The following CUX2 variants were observed in gnomAD, a reference collection of about 807,000 sequenced individuals.
CUX2 encodes homeobox protein cut-like 2.
A neutral mutation model predicts 144.8 loss-of-function variants in CUX2; 40 were observed. The ratio of observed to expected loss-of-function variants is 0.28; its 90% CI spans 0.21 to 0.36. The LOEUF is 0.36. CUX2 is among the 10% of genes least tolerant of loss of function. The probability of loss-of-function intolerance (pLI) is 1.00; values close to 1 mark genes in which losing one functional copy is unlikely to be tolerated. For synonymous variants in CUX2, 827 were observed against 875.6 expected (o/e 0.94, Z 0.98); for missense variants, 1,615 against 1,994.0 (o/e 0.81, Z 3.62).
intron 1 of CUX2, among the ~76,000 whole-genome samples, chr12:111,202,554 A>G (rs1880662356): frequency 6.6e-6 from 1 of 152,210 alleles, no homozygotes; most frequent in Non-Finnish European, 1.5e-5. Flanking sequence ...AGAGTTAGCC[A>G]GTCTTTCATC....
chr12:111,184,664 G>T (rs1277444905), intron 1 of CUX2, among the ~76,000 whole-genome samples: 1 of 151,330 alleles, frequency 6.6e-6, no homozygotes, highest in Non-Finnish European at 1.5e-5. Context: ...GGCTGAAGTA[G>T]TAGAATCACT....
intron 3 of CUX2, among the ~76,000 whole-genome samples, chr12:111,221,841 G>A (rs1565857909): frequency 6.6e-6 from 1 of 151,882 alleles, no homozygotes; most frequent in Non-Finnish European, 1.5e-5. Flanking sequence ...TGGAGAGGAA[G>A]TGAATTTGCC....
chr12:111,266,600 G>T (rs1364638230), intron 4 of CUX2, among the ~76,000 whole-genome samples: 1 of 152,146 alleles, frequency 6.6e-6, no homozygotes. Flanking sequence ...GCAACCATGA[G>T]AAACTGGGAG....
intron 2 of CUX2, among the ~76,000 whole-genome samples, chr12:111,216,349 G>A (rs1399752892): frequency 6.6e-6 from 1 of 152,220 alleles, no homozygotes; most frequent in African/African-American, 2.4e-5. Context: ...GATGGTTTCT[G>A]AGAGGTCCCA....
At chr12:111,080,848 A>C (rs1193554272) in intron 1 of CUX2, among the ~76,000 whole-genome samples, 1 of 152,174 alleles carries the variant, frequency 6.6e-6, no homozygotes, top group East Asian at 1.9e-4. Flanking sequence ...TATAATAAGC[A>C]CTCAACAAAT....
At chr12:111,267,071 G>T (rs1032866502) in intron 4 of CUX2, among the ~76,000 whole-genome samples, 1 of 151,988 alleles carries the variant, frequency 6.6e-6, no homozygotes, top group African/African-American at 2.4e-5. Context: ...GGTCGTGGGC[G>T]CCTGTGGTCC....
intron 9 of CUX2, among the ~76,000 whole-genome samples, chr12:111,302,586 G>A (rs563783059): frequency 1.3e-5 from 2 of 152,246 alleles, no homozygotes; most frequent in South Asian, 4.1e-4. Flanking sequence ...CTTCCTTCCA[G>A]GTAGAAATTT....
chr12:111,293,371 G>T lies in CUX2; in HGVS notation c.437-75G>T. 2 of 1,526,120 alleles carry T rather than the reference G, an allele frequency of 1.3e-6. No homozygotes were observed. The highest frequency in any genetic ancestry group is 2.3e-5 in the East Asian group (1 of 43,038). The allele number at this position is 1,526,120 out of a possible 1,614,324, so 94.5% of individuals were successfully genotyped here. On this transcript the variant is annotated intron_variant, in intron 5 of 21. Transcript: ENST00000261726. The surrounding 1 kb of genome is among the most constrained non-coding windows in gnomAD (Gnocchi z 4.5). ...ATTGATCACAATCAATGATCGATCC[G>T]GTTTACAGAAAGCGGCTCTGGCTGC... is the stretch of plus-strand genomic sequence containing the variant.
At chr12:111,238,539 A>G (rs1303979767) in intron 3 of CUX2, among the ~76,000 whole-genome samples, 1 of 152,252 alleles carries the variant, frequency 6.6e-6, no homozygotes, top group Non-Finnish European at 1.5e-5. Context: ...AACTTACCCA[A>G]GGTCACACAG....
At chr12:111,176,036 CTTCTTTTTTTTTTTTTTTTT>C (rs1177896832) in intron 1 of CUX2, among the ~76,000 whole-genome samples, 1 of 120,506 alleles carries the variant, frequency 8.3e-6, no homozygotes, top group African/African-American at 3.3e-5. Flanking sequence ...TCTTCTTCTT[CTTCTTTTTTTTTTTTTTTTT>C]TTTTTTTTGA....
At chr12:111,219,721 G>A (rs79917228) in intron 3 of CUX2, among the ~76,000 whole-genome samples, 247 of 152,338 alleles carry the variant, frequency 1.6e-3, no homozygotes, top group African/African-American at 5.8e-3. Flanking sequence ...GTTAGCGGGT[G>A]AAGAGTACAG....
intron 1 of CUX2, among the ~76,000 whole-genome samples, chr12:111,131,706 T>C (rs1053582851): frequency 2.6e-5 from 4 of 152,162 alleles, no homozygotes; most frequent in Non-Finnish European, 4.4e-5. Flanking sequence ...CGAAATCCAG[T>C]GGGGCAGTCA....
rs759870047 is a variant in CUX2, at chr12:111,077,832, T to C, written c.63+43592T>C. ...ATCTTCTGATTAGTTGGGAAATCCA[T>C]GGGTCTGTTTAAGAGATAAGAACAG... is the stretch of plus-strand genomic sequence containing the variant. On this transcript the variant is annotated intron_variant, in intron 1 of 21. Transcript: ENST00000261726. The surrounding 1 kb of genome is among the most constrained non-coding windows in gnomAD (Gnocchi z 4.1). Among the ~76,000 whole-genome samples, 11 of 152,296 alleles carry C rather than the reference T, an allele frequency of 7.2e-5. No individual in the cohort carries two copies. The highest frequency in any genetic ancestry group is 1.2e-4 in the Non-Finnish European group (8 of 68,016).
intron 1 of CUX2, among the ~76,000 whole-genome samples, chr12:111,102,795 T>A (rs1873338308): frequency 6.6e-6 from 1 of 152,120 alleles, no homozygotes. Flanking sequence ...CACTTCGTAG[T>A]GGGTAGCAAA....
At chr12:111,214,127 TAA>T in intron 1 of CUX2, 71 bp from the exon 2 acceptor site, 1 of 1,012,088 alleles carries the variant, frequency 9.9e-7, no homozygotes, top group Non-Finnish European at 1.4e-6. Context: ...GTACAGTGGT[TAA>T]AAAGGAAAAA....
intron 18 of CUX2, among the ~76,000 whole-genome samples, chr12:111,327,988 AG>A (rs1887896192): frequency 6.6e-6 from 1 of 152,094 alleles, no homozygotes; most frequent in South Asian, 2.1e-4. Flanking sequence ...GCTTGAGCCT[AG>A]GAGGTCAAGG....
At chr12:111,194,660 T>A (rs1438189673) in intron 1 of CUX2, among the ~76,000 whole-genome samples, 1 of 152,206 alleles carries the variant, frequency 6.6e-6, no homozygotes. Context: ...CATCACCTCG[T>A]GGGCCCCTGC....
chr12:111,167,699 TTTG>T (rs781644636), intron 1 of CUX2, among the ~76,000 whole-genome samples: 3,674 of 146,282 alleles, frequency 0.025, 60 homozygotes, highest in African/African-American at 0.048. Context: ...TGTTTGTTTG[TTTG>T]TTTCTTTTTT....
intron 1 of CUX2, among the ~76,000 whole-genome samples, chr12:111,188,781 A>G (rs1223419588): frequency 6.6e-6 from 1 of 152,144 alleles, no homozygotes; most frequent in African/African-American, 2.4e-5. Context: ...GCGGAGCGGT[A>G]GGATCTGATT....
Sources: gnomAD v4.1 joint callset for allele counts (sites outside exome capture counted in the v4.1 genomes callset) on GRCh38, gnomAD v4.1.1 for gene constraint, Gnocchi (gnomAD v3.1) non-coding constraint, MANE v1.5 for transcripts, NCBI Gene and HGNC (gene_info 2026-07-23, HGNC 2026-07-21) for gene names.